The following SUGCT variants were observed in gnomAD, a reference collection of about 807,000 sequenced individuals.
SUGCT encodes the protein succinyl-CoA:glutarate CoA-transferase.
In SUGCT, 41 loss-of-function variants were observed where a neutral mutation model predicts 55.0. The ratio of observed to expected loss-of-function variants is 0.74; its 90% CI spans 0.58 to 0.97. The LOEUF (loss-of-function observed/expected upper bound fraction) is 0.97. Among genes scored for constraint, SUGCT ranks in the 50% least tolerant of loss-of-function variants. The probability of loss-of-function intolerance (pLI) is 0.00; values close to 1 mark genes in which losing one functional copy is unlikely to be tolerated. For missense variants in SUGCT, 568 were observed against 547.8 expected (o/e 1.04, Z -0.37); for synonymous variants, 187 against 200.4 (o/e 0.93, Z 0.56).
intron 9 of SUGCT, among the ~76,000 whole-genome samples, chr7:40,333,664 A>ATATATGT (rs1796473438): frequency 3.2e-5 from 1 of 30,872 alleles, no homozygotes; most frequent in Non-Finnish European, 5.4e-5. Context: ...AAAAAAAAAA[A>ATATATGT]AAAAATATAT....
At chr7:40,268,922 C>T (rs376288556) in intron 7 of SUGCT, among the ~76,000 whole-genome samples, 1 of 152,196 alleles carries the variant, frequency 6.6e-6, no homozygotes, top group African/African-American at 2.4e-5. Flanking sequence ...CAGGCATGAG[C>T]CAATGTGCCC....
the SUGCT span, among the ~76,000 whole-genome samples, chr7:41,026,643 A>G: frequency 2.0e-5 from 3 of 152,376 alleles, no homozygotes; most frequent in East Asian, 5.8e-4. Context: ...TAGTATTAAC[A>G]TGCCCATCTA....
the SUGCT span, among the ~76,000 whole-genome samples, chr7:40,985,503 C>A: frequency 6.6e-6 from 1 of 152,082 alleles, no homozygotes; most frequent in South Asian, 2.1e-4. Context: ...GGAAAAAAAT[C>A]TCAGAAGAAG....
intron 1 of SUGCT, among the ~76,000 whole-genome samples, chr7:40,138,580 C>A (rs1787817533): frequency 6.6e-6 from 1 of 152,160 alleles, no homozygotes; most frequent in African/African-American, 2.4e-5. Flanking sequence ...ATACTGTTTT[C>A]CATAGAAGGT....
intron 12 of SUGCT, among the ~76,000 whole-genome samples, chr7:40,557,366 C>A (rs538382181): frequency 1.6e-4 from 25 of 152,164 alleles, no homozygotes; most frequent in Non-Finnish European, 2.6e-4. Flanking sequence ...GGGAAATCTT[C>A]ACGACAGTGG....
At chr7:40,931,679 ATTTC>A in the SUGCT span, among the ~76,000 whole-genome samples, 8 of 152,026 alleles carry the variant, frequency 5.3e-5, no homozygotes, top group African/African-American at 1.9e-4. Context: ...GAATTTATCC[ATTTC>A]TTCTAGATTT....
At chr7:40,675,677 G>A (rs118075817) in intron 12 of SUGCT, among the ~76,000 whole-genome samples, 1,687 of 152,274 alleles carry the variant, frequency 0.011, 7 homozygotes, top group Non-Finnish European at 0.016. Context: ...ATGCAGAGGT[G>A]CTTTCGGCTG....
chr7:40,532,772 C>A (rs1047551277), intron 12 of SUGCT, among the ~76,000 whole-genome samples: 1 of 151,962 alleles, frequency 6.6e-6, no homozygotes, highest in Non-Finnish European at 1.5e-5. Flanking sequence ...GTCATCCAAA[C>A]AATAGTATCA....
intron 12 of SUGCT, among the ~76,000 whole-genome samples, chr7:40,535,090 CAT>C (rs1224156806): frequency 6.6e-6 from 1 of 152,032 alleles, no homozygotes; most frequent in Non-Finnish European, 1.5e-5. Flanking sequence ...TGCAATAAAA[CAT>C]AGTCTATCTC....
intron 1 of SUGCT, among the ~76,000 whole-genome samples, chr7:40,167,564 G>A (rs1450111772): frequency 4.6e-5 from 7 of 152,170 alleles, no homozygotes; most frequent in Non-Finnish European, 1.0e-4. Context: ...TGACCTCACG[G>A]ATTCCAAGGA....
At chr7:40,324,905 T>C (rs1243125325) in intron 9 of SUGCT, among the ~76,000 whole-genome samples, 1 of 152,222 alleles carries the variant, frequency 6.6e-6, no homozygotes, top group Non-Finnish European at 1.5e-5. Flanking sequence ...TTCTAAACTT[T>C]TCTTCTGAAG....
chr7:40,388,526 C>T (rs1284531749), intron 9 of SUGCT, among the ~76,000 whole-genome samples: 2 of 152,186 alleles, frequency 1.3e-5, no homozygotes, highest in Admixed American at 1.3e-4. Context: ...AGTGATTCTA[C>T]TGCCTCAGCC....
intron 8 of SUGCT, among the ~76,000 whole-genome samples, chr7:40,316,483 C>G (rs1310490031): frequency 6.6e-6 from 1 of 152,124 alleles, no homozygotes; most frequent in African/African-American, 2.4e-5. Context: ...GTTCCATCTG[C>G]TTGGTCAACC....
the SUGCT span, among the ~76,000 whole-genome samples, chr7:41,019,206 C>T: frequency 3.0e-4 from 46 of 152,276 alleles, no homozygotes; most frequent in South Asian, 1.2e-3. Context: ...GCCACTAATA[C>T]ATTGTTAAGT....
intron 7 of SUGCT, among the ~76,000 whole-genome samples, chr7:40,266,987 G>A (rs1318493584): frequency 6.6e-6 from 1 of 151,082 alleles, no homozygotes; most frequent in Non-Finnish European, 1.5e-5. Flanking sequence ...CTGCACTGCA[G>A]CCTGGGAGAC....
At chr7:40,216,700 A>G (rs565493943) in intron 6 of SUGCT, among the ~76,000 whole-genome samples, 1 of 151,674 alleles carries the variant, frequency 6.6e-6, no homozygotes, top group East Asian at 2.0e-4. Flanking sequence ...AAAAATACAA[A>G]AATTAGCCAG....
chr7:40,505,023 A>C (rs1294840580), intron 12 of SUGCT, among the ~76,000 whole-genome samples: 3 of 152,106 alleles, frequency 2.0e-5, no homozygotes, highest in African/African-American at 7.2e-5. Context: ...CATTTTGTAG[A>C]ATATTTCATG....
At chr7:40,810,379 C>T (rs867211028) in intron 13 of SUGCT, among the ~76,000 whole-genome samples, 20 of 152,270 alleles carry the variant, frequency 1.3e-4, no homozygotes, top group African/African-American at 3.9e-4. Context: ...TTTACATTCC[C>T]GCCAACAATG....
intron 12 of SUGCT, among the ~76,000 whole-genome samples, chr7:40,723,603 A>T (rs1054247405): frequency 1.3e-5 from 2 of 152,216 alleles, no homozygotes; most frequent in African/African-American, 4.8e-5. Context: ...AGCTTCTGCT[A>T]CTAATTCCTT....
Sources: allele counts gnomAD v4.1 joint callset (sites outside exome capture counted in the v4.1 genomes callset), GRCh38; gene constraint gnomAD v4.1.1; transcripts MANE v1.5; gene names NCBI Gene and HGNC (gene_info 2026-07-23, HGNC 2026-07-21).